ZNF446: variants seen among roughly 807,000 people sequenced by gnomAD.
ZNF446 encodes the protein zinc finger protein 446, also known as zinc finger protein with KRAB and SCAN domains 20.
A neutral mutation model predicts 34.0 loss-of-function variants in ZNF446; 42 were observed. The observed-to-expected ratio is 1.23, with a 90% CI of 0.96 to 1.60. The LOEUF is 1.60. Among genes scored for constraint, ZNF446 ranks in the 40% most tolerant of loss-of-function variants. The pLI is 0.00. For synonymous variants in ZNF446, 315 were observed against 251.0 expected (o/e 1.25, Z -2.41); for missense variants, 650 against 600.2 (o/e 1.08, Z -0.87).
the ZNF446 span, among the ~76,000 whole-genome samples, chr19:58,486,568 C>A: frequency 6.6e-6 from 1 of 151,522 alleles, no homozygotes; most frequent in Non-Finnish European, 1.5e-5. Context: ...CCACCGCACC[C>A]GGCTAATTTT....
rs759130926 is a variant in ZNF446 at position 58,477,510 on chromosome 19, G to T, written c.292G>T (p.Ala98Ser). ...GCGGCCAGGCAGTCCTGAGGAGGCC[G>T]CTGCCCTAGTCGAAGGACTGCAGCA... ...GQRPGSPEEA[A>S]ALVEGLQHDP... The change falls in exon 2 of 7, where the codon GCT becomes TCT. Residue 98 changes from alanine to serine, a missense_variant. Transcript: ENST00000594369. 6.8e-6 allele frequency: 11 copies of T among 1,612,888 alleles called. No homozygotes were observed. The South Asian group carries it at 7.7e-5, about 11-fold the overall frequency.
At chr19:58,479,124 G>C (rs2053114791) in intron 4 of ZNF446, among the ~76,000 whole-genome samples, 1 of 152,186 alleles carries the variant, frequency 6.6e-6, no homozygotes, top group South Asian at 2.1e-4. Context: ...AGTCCTTCCA[G>C]GCTCCCTCCA....
In ZNF446 at chr19:58,477,353, C is replaced by T. The variant is rs147010560; in HGVS notation, c.135C>T (p.Ala45=). The T allele has an allele frequency of 2.1e-5, 34 of 1,613,310 alleles. No individual in the cohort carries two copies. Among genetic ancestry groups the T allele is most frequent in the African/African-American group, 2.7e-5 (2 of 74,892 alleles). The change falls in exon 2 of 7, where the codon GCC becomes GCT. Residue 45 remains alanine (A), a synonymous_variant. Coordinates refer to ENST00000594369, the MANE Select transcript of ZNF446 (RefSeq NM_017908.4). ...TGGCAGGTCCCCGAGAAGCCCTGGC[C>T]CGGCTGCGTGAGCTGTGTTGCCAGT... The part of the protein sequence containing the change: ...QEVAGPREAL[A]RLRELCCQWL...
Position 58,477,384 on chromosome 19 carries a change from C to T in ZNF446, c.166C>T (p.Gln56Ter). 1.2e-6 allele frequency: 2 copies of T among 1,613,146 alleles called. No individual in the cohort carries two copies. The highest frequency in any genetic ancestry group is 1.7e-6 in the Non-Finnish European group (2 of 1,179,984). ...RLRELCCQWL[Q>*]PEAHSKEQML... Reference sequence around the variant, plus strand: ...GCGTGAGCTGTGTTGCCAGTGGCTGCAGCCTGAGGCACACTCCAAGGAGCA... The same window carrying T: ...GCGTGAGCTGTGTTGCCAGTGGCTGTAGCCTGAGGCACACTCCAAGGAGCA... The change falls in exon 2 of 7, where the codon CAG (glutamine) becomes TAG (stop). Residue 56 changes from glutamine to a stop codon, truncating the protein, a stop_gained. Transcript: ENST00000594369. LOFTEE classifies it high-confidence loss of function.
rs976637181 is a variant in ZNF446, at chr19:58,480,910, C to T, written c.*184C>T. On this transcript the variant is annotated 3_prime_UTR_variant, in exon 7 of 7. Coordinates refer to ENST00000594369, the MANE Select transcript of ZNF446 (RefSeq NM_017908.4). The surrounding 1 kb of genome is among the most constrained non-coding windows in gnomAD (Gnocchi z 7.2). ...ACCTGGGTGCAAGGAAAAGGAGCTGCTCTCTCTCTTCTTGCCCCTGCCTCC... is the reference window on the plus strand; with the variant it reads ...ACCTGGGTGCAAGGAAAAGGAGCTGTTCTCTCTCTTCTTGCCCCTGCCTCC... 1 of 712,924 alleles carries T rather than the reference C, an allele frequency of 1.4e-6. No individual in the cohort carries two copies. Among genetic ancestry groups the T allele is most frequent in the African/African-American group, 1.8e-5 (1 of 55,918 alleles). The allele number at this position is 712,924 out of a possible 1,614,324, so 44.2% of individuals were successfully genotyped here.
At chr19:58,476,889 T>C (rs1483373442) in intron 1 of ZNF446, among the ~76,000 whole-genome samples, 1 of 152,136 alleles carries the variant, frequency 6.6e-6, no homozygotes, top group African/African-American at 2.4e-5. Context: ...TCCACCTCTT[T>C]AGCGTCATCT....
downstream of ZNF446, among the ~76,000 whole-genome samples, chr19:58,485,879 T>C (rs2053166040): frequency 6.6e-6 from 1 of 152,052 alleles, no homozygotes; most frequent in Non-Finnish European, 1.5e-5. Flanking sequence ...ACACCCAGCC[T>C]GATATTTATT....
Position 58,480,093 on chromosome 19 carries a change from G to T in ZNF446, c.802+74G>T. On this transcript the variant is annotated intron_variant, in intron 6 of 6. Coordinates refer to ENST00000594369, the MANE Select transcript of ZNF446 (RefSeq NM_017908.4). This position sits in a 1 kb window ranked among gnomAD's most constrained non-coding sequence, Gnocchi z 7.2. ...GGACCTGAGCCACCCACTCATGGGG[G>T]GACGGGAGCTTGTGCCACGGCCACA... 6.4e-7 allele frequency: 1 copy of T among 1,557,752 alleles called. No individual in the cohort carries two copies. Among genetic ancestry groups the T allele is most frequent in the East Asian group, 2.3e-5 (1 of 42,774 alleles).
downstream of ZNF446, among the ~76,000 whole-genome samples, chr19:58,481,539 G>A (rs2053140212): frequency 6.6e-6 from 1 of 152,194 alleles, no homozygotes; most frequent in Non-Finnish European, 1.5e-5. Context: ...GTTGCGCCAA[G>A]GCCATGGGTA....
In ZNF446 at chr19:58,478,164, C is replaced by T. The variant is rs1240194720; in HGVS notation, c.610C>T (p.His204Tyr). Residue 204 changes from histidine to tyrosine, a missense_variant, in exon 4 of 7, where the codon CAC becomes TAC. Transcript: ENST00000594369. ...CCAAGAACCAGCCTCCACATCCTTC[C>T]ACCCACCCAGGATTCAGGTGAGCAG... ...GHQEPASTSF[H>Y]PPRIQEEWGL... The T allele has an allele frequency of 1.9e-6, 3 of 1,613,754 alleles. No homozygotes were observed. Among genetic ancestry groups the T allele is most frequent in the African/African-American group, 2.7e-5 (2 of 74,904 alleles).
At chr19:58,479,254 C>CT (rs2053115997) in intron 4 of ZNF446, among the ~76,000 whole-genome samples, 1 of 152,204 alleles carries the variant, frequency 6.6e-6, no homozygotes, top group Non-Finnish European at 1.5e-5. Context: ...CTTCCTGCCC[C>CT]TGGACTTGCC....
Position 58,479,685 on chromosome 19 carries a change from T to G in ZNF446, c.670T>G (p.Trp224Gly), listed in dbSNP as rs1351758569. 6.2e-7 allele frequency: 1 copy of G among 1,613,796 alleles called. No homozygotes were observed. The highest frequency in any genetic ancestry group is 1.1e-5 in the South Asian group (1 of 91,036). The part of the protein sequence containing the change: ...LLDRSQKELY[W>G]DAMLEKYGTV... The stretch of plus-strand genomic sequence containing the variant: ...GGACCGGTCACAGAAGGAACTGTAC[T>G]GGGATGCGATGCTGGAGAAGTACGG... Residue 224 changes from tryptophan (W) to glycine (G), a missense_variant, in exon 5 of 7, where the codon TGG becomes GGG. Trp to Gly is a radical substitution (Grantham distance 184, BLOSUM62 -2). Transcript: ENST00000594369.
chr19:58,480,925 C>A lies in ZNF446; in HGVS notation c.*199C>A. 1 of 667,664 alleles carries A rather than the reference C, an allele frequency of 1.5e-6. No homozygotes were observed. The highest frequency in any genetic ancestry group is 2.0e-5 in the South Asian group (1 of 49,482). 41.4% of individuals were successfully genotyped at this position (667,664 alleles called of 1,614,324 possible). A position where few individuals can be genotyped will look rare whatever the true frequency, so the allele number is the denominator to read the frequency against. On this transcript the variant is annotated 3_prime_UTR_variant, in exon 7 of 7. Coordinates refer to ENST00000594369, the MANE Select transcript of ZNF446 (RefSeq NM_017908.4). This position sits in a 1 kb window ranked among gnomAD's most constrained non-coding sequence, Gnocchi z 7.2. ...AAAGGAGCTGCTCTCTCTCTTCTTG[C>A]CCCTGCCTCCTAGAGGGAGGTCTGG...
At chr19:58,482,974 A>G (rs2053150204), downstream of ZNF446, among the ~76,000 whole-genome samples, 1 of 152,246 alleles carries the variant, frequency 6.6e-6, no homozygotes, top group Non-Finnish European at 1.5e-5. Context: ...ATTTATGCTC[A>G]CTTAGAAAAA....
In ZNF446 at chr19:58,477,226, C is replaced by T. The variant is rs1374701767; in HGVS notation, c.8C>T (p.Ser3Phe). ...CCACCCCCTTGAGCAAGAATGCCAT[C>T]CCCTCTGGGTCCCCCATGCCTGCCC... MP[S>F]PLGPPCLPVM... The change falls in exon 2 of 7, where the codon TCC (serine) becomes TTC (phenylalanine). Residue 3 changes from serine to phenylalanine, a missense_variant. By Grantham distance (155) the Ser-to-Phe change is radical. Coordinates refer to ENST00000594369, the MANE Select transcript of ZNF446 (RefSeq NM_017908.4). The T allele has an allele frequency of 6.4e-7, 1 of 1,558,336 alleles. No homozygotes were observed. The highest frequency in any genetic ancestry group is 8.7e-7 in the Non-Finnish European group (1 of 1,151,328).
At position 58,477,660 on chromosome 19, in the gene ZNF446, G is replaced by T. The variant is rs1352417991; in HGVS notation, c.366G>T (p.Gln122His). Residue 122 changes from glutamine (Q) to histidine (H), a missense_variant, in exon 3 of 7, where the codon CAG becomes CAT. Physicochemically the swap from Gln to His is conservative, Grantham distance 24. Coordinates refer to ENST00000594369, the MANE Select transcript of ZNF446 (RefSeq NM_017908.4). Reference sequence around the variant, plus strand: ...AGATCACAGCCCATGTCCTGAAGCAGGAGGTGCTCCCTGCAGCCCAGAAGA... The same window carrying T: ...AGATCACAGCCCATGTCCTGAAGCATGAGGTGCTCCCTGCAGCCCAGAAGA... ...LGWITAHVLKQEVLPAAQKTE... is the reference protein window; with the variant it reads ...LGWITAHVLKHEVLPAAQKTE... 6.2e-7 allele frequency: 1 copy of T among 1,613,852 alleles called. No homozygotes were observed. The highest frequency in any genetic ancestry group is 2.2e-5 in the East Asian group (1 of 44,888).
chr19:58,479,107 G>A (rs1221371595), intron 4 of ZNF446, among the ~76,000 whole-genome samples: 2 of 152,168 alleles, frequency 1.3e-5, no homozygotes, highest in Non-Finnish European at 2.9e-5. Flanking sequence ...GTGTTTCGAG[G>A]CTAAGAAGTC....
chr19:58,483,959 A>G (rs2053155973), downstream of ZNF446: 3 of 152,204 alleles, frequency 2.0e-5, no homozygotes, highest in African/African-American at 4.8e-5. Flanking sequence ...ACCCAGTGCT[A>G]TGATTAATTC....
At chr19:58,479,871 C>A in intron 5 of ZNF446, 59 bp from the exon 6 acceptor site, 1 of 1,419,674 alleles carries the variant, frequency 7.0e-7, no homozygotes. Flanking sequence ...CCTACCAGAA[C>A]CGACCCCACC....
Sources: allele counts gnomAD v4.1 joint callset (sites outside exome capture counted in the v4.1 genomes callset), GRCh38; gene constraint gnomAD v4.1.1; non-coding constraint Gnocchi (gnomAD v3.1); transcripts MANE v1.5; gene names NCBI Gene and HGNC (gene_info 2026-07-23, HGNC 2026-07-21).